The following STK3 variants were observed in gnomAD, a reference collection of about 807,000 sequenced individuals.
STK3 encodes the protein serine/threonine-protein kinase 3.
In STK3, 41 loss-of-function variants were observed where a neutral mutation model predicts 58.0. That is an observed-to-expected ratio of 0.71 (90% CI 0.55 to 0.92). The LOEUF (loss-of-function observed/expected upper bound fraction) is 0.92. STK3 is among the 40% of genes least tolerant of loss of function. The pLI is 0.00. For missense variants in STK3, 479 were observed against 602.7 expected, an observed-to-expected ratio of 0.79 and a Z score of 2.15; for synonymous variants, 170 against 191.0, an observed-to-expected ratio of 0.89 and a Z score of 0.91.
In STK3 at chr8:98,581,743, G is replaced by A. The variant is rs547809605; in HGVS notation, c.823-1954C>T. 7.5e-4 allele frequency among the ~76,000 whole-genome samples: 114 copies of A among 151,742 alleles called. 1 individual carries two copies. Among genetic ancestry groups the A allele is most frequent in the African/African-American group, 2.7e-3 (113 of 41,400 alleles). On this transcript the variant is annotated intron_variant, in intron 7 of 10. Transcript: ENST00000419617. ...CCACTACCCAGTGTGGGATAAATGA[G>A]GGAAAAAGAAACCCCAGGGAACTCA...
chr8:98,489,814 A>G (rs1234984561), intron 10 of STK3, among the ~76,000 whole-genome samples: 1 of 152,206 alleles, frequency 6.6e-6, no homozygotes, highest in Non-Finnish European at 1.5e-5. Context: ...TCACTTATGC[A>G]ATTAATTCAC....
At chr8:98,810,893 C>G (rs969904838) in intron 1 of STK3, among the ~76,000 whole-genome samples, 1 of 152,002 alleles carries the variant, frequency 6.6e-6, no homozygotes, top group African/African-American at 2.4e-5. Flanking sequence ...GTTTAAAGAG[C>G]CTGGCACCTC....
intron 3 of STK3, among the ~76,000 whole-genome samples, chr8:98,858,471 AT>A (rs994620050): frequency 1.0e-4 from 15 of 148,502 alleles, no homozygotes; most frequent in Admixed American, 1.4e-4. Context: ...CCATCCGGTA[AT>A]TTTTTTTTAA....
chr8:98,734,925 C>G (rs975059677), intron 4 of STK3, among the ~76,000 whole-genome samples: 1 of 151,548 alleles, frequency 6.6e-6, no homozygotes, highest in Non-Finnish European at 1.5e-5. Context: ...TCAAGATACA[C>G]ATTTTTAAAA....
At chr8:98,789,976 C>T (rs538603315) in intron 1 of STK3, among the ~76,000 whole-genome samples, 9 of 140,716 alleles carry the variant, frequency 6.4e-5, no homozygotes, top group East Asian at 2.1e-4. Flanking sequence ...TGCAATGAGG[C>T]GAAATCGCGC....
downstream of STK3, among the ~76,000 whole-genome samples, chr8:98,368,443 A>G (rs950715246): frequency 2.0e-5 from 3 of 152,210 alleles, no homozygotes; most frequent in African/African-American, 7.2e-5. Context: ...GATTTGAAGG[A>G]GAAGCAGTTC....
chr8:98,605,038 G>T (rs1229046882), intron 6 of STK3, among the ~76,000 whole-genome samples: 4 of 152,106 alleles, frequency 2.6e-5, no homozygotes, highest in Non-Finnish European at 5.9e-5. Flanking sequence ...CTCCATCCGA[G>T]ACCTCATCAG....
intron 6 of STK3, among the ~76,000 whole-genome samples, chr8:98,638,952 A>T (rs1358492209): frequency 6.6e-6 from 1 of 152,212 alleles, no homozygotes; most frequent in Non-Finnish European, 1.5e-5. Context: ...GTAAATATTA[A>T]GTAAAAATTA....
At chr8:98,396,267 A>G (rs1225560510) in intron 3 of STK3, among the ~76,000 whole-genome samples, 2 of 152,270 alleles carry the variant, frequency 1.3e-5, no homozygotes, top group African/African-American at 4.8e-5. Flanking sequence ...AAGATGTTTT[A>G]CATAAAATTA....
chr8:98,777,306 C>T (rs1587592441), intron 1 of STK3, among the ~76,000 whole-genome samples: 1 of 152,052 alleles, frequency 6.6e-6, no homozygotes, highest in South Asian at 2.1e-4. Context: ...GTAGGCGTAT[C>T]CTTTGAGCTC....
intron 10 of STK3, chr8:98,463,079 T>G (rs1820136600): frequency 1.3e-5 from 2 of 152,004 alleles, no homozygotes; most frequent in African/African-American, 2.4e-5. Context: ...CAGAAAATCT[T>G]TATAAAGTGT....
the STK3 span, among the ~76,000 whole-genome samples, chr8:98,365,451 AGAGT>A: frequency 1.3e-5 from 2 of 152,228 alleles, no homozygotes; most frequent in African/African-American, 4.8e-5. Flanking sequence ...CTGGAAGAAG[AGAGT>A]GAGACAGAGT....
intron 6 of STK3, among the ~76,000 whole-genome samples, chr8:98,662,387 A>T (rs2130793550): frequency 6.6e-6 from 1 of 152,302 alleles, no homozygotes; most frequent in Non-Finnish European, 1.5e-5. Context: ...CCAGAAAATG[A>T]GCTTCTTTCA....
intron 1 of STK3, among the ~76,000 whole-genome samples, chr8:98,933,702 G>T (rs1478873542): frequency 6.6e-6 from 1 of 152,124 alleles, no homozygotes; most frequent in African/African-American, 2.4e-5. Flanking sequence ...TCAACACCCT[G>T]CATGTAACCT....
At chr8:98,489,515 T>C (rs1822530352) in intron 10 of STK3, among the ~76,000 whole-genome samples, 1 of 152,204 alleles carries the variant, frequency 6.6e-6, no homozygotes, top group Non-Finnish European at 1.5e-5. Context: ...TTTCTGCCCT[T>C]ACTATTATAT....
chr8:98,584,388 G>A (rs1407582239), intron 7 of STK3, among the ~76,000 whole-genome samples: 1 of 151,862 alleles, frequency 6.6e-6, no homozygotes, highest in Non-Finnish European at 1.5e-5. Context: ...TGAGAATGAT[G>A]ATTTCCAATT....
At position 98,701,166 on chromosome 8, in the gene STK3, C is replaced by T. The variant is rs959815174; in HGVS notation, c.684+5301G>A. ...TCCTGCCTGGGTGACACAGTGAGAC[C>T]CTGTCACATGGATGGAAGGAAGGGA... On this transcript the variant is annotated intron_variant, in intron 6 of 10. Transcript: ENST00000419617. 9.2e-5 allele frequency among the ~76,000 whole-genome samples: 13 copies of T among 141,936 alleles called. 1 individual carries two copies. The East Asian group carries it at 3.0e-3, about 33-fold the overall frequency. 93.1% of individuals were successfully genotyped at this position (141,936 alleles called of 152,430 possible). A position where few individuals can be genotyped will look rare whatever the true frequency, so the allele number is the denominator to read the frequency against.
At chr8:98,828,226 T>C (rs1302976512), upstream of STK3, among the ~76,000 whole-genome samples, 1 of 151,742 alleles carries the variant, frequency 6.6e-6, no homozygotes, top group Non-Finnish European at 1.5e-5. Flanking sequence ...TCCACCCACC[T>C]CAGCCACCCA....
At chr8:98,790,173 T>C (rs1241332384) in intron 1 of STK3, among the ~76,000 whole-genome samples, 1 of 152,110 alleles carries the variant, frequency 6.6e-6, no homozygotes, top group East Asian at 1.9e-4. Flanking sequence ...GAAATCATTC[T>C]ATGAAGCCAG....
Sources: allele counts gnomAD v4.1 joint callset (sites outside exome capture counted in the v4.1 genomes callset), GRCh38; gene constraint gnomAD v4.1.1; transcripts MANE v1.5; gene names NCBI Gene and HGNC (gene_info 2026-07-23, HGNC 2026-07-21).